Variants in EPC1 observed in about 807,000 individuals in gnomAD.
EPC1 encodes the protein enhancer of polycomb homolog 1.
Under a neutral mutation model 98.4 loss-of-function variants are expected in EPC1, and 12 were observed. The ratio of observed to expected loss-of-function variants is 0.12; its 90% CI spans 0.08 to 0.20. The LOEUF (loss-of-function observed/expected upper bound fraction) is 0.20. Ranked by LOEUF, EPC1 falls within the 10% of genes least tolerant of loss-of-function variation. The pLI is 1.00. For synonymous variants in EPC1, 357 were observed against 363.9 expected (o/e 0.98, Z 0.21); for missense variants, 729 against 990.5 (o/e 0.74, Z 3.54).
At chr10:32,340,180 G>C (rs1368841195) in intron 1 of EPC1, among the ~76,000 whole-genome samples, 1 of 152,100 alleles carries the variant, frequency 6.6e-6, no homozygotes, top group Non-Finnish European at 1.5e-5. Context: ...TCCAAAAACT[G>C]AACCAAAACT....
intron 1 of EPC1, chr10:32,345,604 C>T (rs1838718437): frequency 2.0e-6 from 2 of 985,260 alleles, no homozygotes; most frequent in South Asian, 9.4e-5. Context: ...TAGAAGTCAT[C>T]AAGTTATACT....
intron 5 of EPC1, chr10:32,291,914 G>A (rs1438271769): frequency 6.6e-6 from 1 of 152,134 alleles, no homozygotes. Flanking sequence ...TAGCAATTTT[G>A]GTGAAAGATT....
exon 1 of EPC1, chr10:32,378,625 T>C: frequency 1.6e-6 from 1 of 622,680 alleles, no homozygotes; most frequent in Non-Finnish European, 2.7e-6. Flanking sequence ...GTTTGGTAAA[T>C]AAAAAGTAAT....
chr10:32,375,586 C>T (rs149272480), intron 1 of EPC1, among the ~76,000 whole-genome samples: 272 of 152,120 alleles, frequency 1.8e-3, no homozygotes, highest in Middle Eastern at 6.8e-3. Flanking sequence ...TTCTCCATGT[C>T]TTTGGCATTA....
upstream of EPC1, chr10:32,347,277 C>A: frequency 1.0e-6 from 1 of 975,872 alleles, no homozygotes; most frequent in Non-Finnish European, 1.3e-6. Flanking sequence ...CGCGTCCCGC[C>A]AACCCCCGGC....
rs116026662 is a variant in EPC1, at chr10:32,321,514, G to A, written c.154-15583C>T. ...GCTACAGGTGCAACCACCACACCCC[G>A]CTTAGATCCATTTAATTTTTGAGGT... On this transcript the variant is annotated intron_variant, in intron 1 of 13. Coordinates refer to ENST00000319778, the MANE Select transcript of EPC1 (RefSeq NM_001272004.3). Among the ~76,000 whole-genome samples the A allele has an allele frequency of 1.9e-3, 291 of 152,038 alleles. 1 individual carries two copies. Among genetic ancestry groups the A allele is most frequent in the African/African-American group, 6.8e-3 (282 of 41,464 alleles).
At chr10:32,271,459 G>C in intron 13 of EPC1, 95 bp downstream of exon 13, 1 of 1,366,190 alleles carries the variant, frequency 7.3e-7, no homozygotes, top group Non-Finnish European at 1.0e-6. Flanking sequence ...AAAAGGAAAA[G>C]AACAAGAAAC....
intron 1 of EPC1, among the ~76,000 whole-genome samples, chr10:32,315,960 C>A (rs1836524538): frequency 6.6e-6 from 1 of 152,190 alleles, no homozygotes; most frequent in Non-Finnish European, 1.5e-5. Context: ...CAAGGTCCAA[C>A]ATGATTTGCA....
At chr10:32,363,697 G>A (rs777109203) in intron 1 of EPC1, among the ~76,000 whole-genome samples, 2 of 152,004 alleles carry the variant, frequency 1.3e-5, no homozygotes, top group Non-Finnish European at 2.9e-5. Context: ...TTTACACCAG[G>A]CTTGTAGGGG....
intron 1 of EPC1, chr10:32,345,336 C>G (rs1838694412): frequency 1.0e-6 from 1 of 985,296 alleles, no homozygotes; most frequent in Non-Finnish European, 1.2e-6. Flanking sequence ...TAACATTTCA[C>G]TGTCACAGCT....
At chr10:32,366,586 A>G (rs1839609908) in intron 1 of EPC1, among the ~76,000 whole-genome samples, 3 of 148,516 alleles carry the variant, frequency 2.0e-5, no homozygotes, top group South Asian at 4.4e-4. Context: ...TCAGTATTCA[A>G]TAATCATAAG....
chr10:32,284,774 T>G lies in EPC1; in HGVS notation c.1668A>C (p.Thr556=), dbSNP rs775259322. Residue 556 remains threonine, a synonymous_variant, in exon 10 of 14, where the codon ACA becomes ACC. Coordinates refer to ENST00000319778, the MANE Select transcript of EPC1 (RefSeq NM_001272004.3). ...TCTGGGTCCCAGGTTGTGCTGTTCC[T>G]GTTCGGTTTATACTCCTATATAATT... ...CRKLYRSINR[T]GTAQPGTQTC... is the part of the protein sequence containing the mutation. 6.2e-7 allele frequency: 1 copy of G among 1,614,260 alleles called. No homozygotes were observed. Among genetic ancestry groups the G allele is most frequent in the South Asian group, 1.1e-5 (1 of 91,090 alleles).
chr10:32,286,898 T>C (rs1282063105), intron 8 of EPC1, 28 bp downstream of exon 8: 3 of 1,609,452 alleles, frequency 1.9e-6, no homozygotes, highest in Non-Finnish European at 1.7e-6. Flanking sequence ...AAATAGTTTG[T>C]TATTTACAAA....
At chr10:32,325,902 A>C (rs1837245480) in intron 1 of EPC1, among the ~76,000 whole-genome samples, 1 of 152,178 alleles carries the variant, frequency 6.6e-6, no homozygotes, top group Non-Finnish European at 1.5e-5. Flanking sequence ...TGACAATATC[A>C]ACTACAGTAT....
intron 1 of EPC1, among the ~76,000 whole-genome samples, chr10:32,310,599 C>T (rs1236788852): frequency 2.6e-5 from 4 of 152,214 alleles, no homozygotes; most frequent in Admixed American, 6.5e-5. Flanking sequence ...TTTAAAAAAT[C>T]TTATTTGTAG....
chr10:32,291,059 G>T, intron 6 of EPC1, 104 bp downstream of exon 6: 2 of 1,071,416 alleles, frequency 1.9e-6, no homozygotes, highest in East Asian at 5.2e-5. Flanking sequence ...TTACAGGCGT[G>T]AGCCACTGTG....
chr10:32,361,467 T>C (rs1839440405), intron 1 of EPC1, among the ~76,000 whole-genome samples: 1 of 152,238 alleles, frequency 6.6e-6, no homozygotes, highest in South Asian at 2.1e-4. Flanking sequence ...TATCCTTTGT[T>C]ACAGAATACC....
chr10:32,332,450 A>T (rs571302311), intron 1 of EPC1, among the ~76,000 whole-genome samples: 21 of 152,314 alleles, frequency 1.4e-4, no homozygotes, highest in South Asian at 1.0e-3. Context: ...TGTGTGACCA[A>T]CAGCACATGG....
At chr10:32,369,348 TAAG>T (rs1337753114) in intron 1 of EPC1, among the ~76,000 whole-genome samples, 2 of 152,110 alleles carry the variant, frequency 1.3e-5, no homozygotes, top group Non-Finnish European at 2.9e-5. Context: ...GACTTGAAAA[TAAG>T]AAATGATACG....
Sources: gnomAD v4.1 joint callset for allele counts (sites outside exome capture counted in the v4.1 genomes callset) on GRCh38, gnomAD v4.1.1 for gene constraint, MANE v1.5 for transcripts, NCBI Gene and HGNC (gene_info 2026-07-23, HGNC 2026-07-21) for gene names.